POU6F2: variants seen among roughly 807,000 people sequenced by gnomAD.
POU6F2 encodes POU class 6 homeobox 2.
Under a neutral mutation model 71.3 loss-of-function variants are expected in POU6F2, and 31 were observed. That is an observed-to-expected ratio of 0.43 (90% CI 0.33 to 0.59). The LOEUF is 0.59. POU6F2 is among the 20% of genes least tolerant of loss of function. The pLI, the probability that POU6F2 is intolerant of heterozygous loss-of-function variation, is 0.04. For missense variants in POU6F2, 783 were observed against 856.8 expected (o/e 0.91, Z 1.07); for synonymous variants, 347 against 355.7 (o/e 0.98, Z 0.27).
At chr7:39,387,821 A>C (rs541411969) in intron 5 of POU6F2, among the ~76,000 whole-genome samples, 2 of 152,230 alleles carry the variant, frequency 1.3e-5, no homozygotes, top group Non-Finnish European at 2.9e-5. Flanking sequence ...GTAAAGTCAC[A>C]GAATGAATCT....
Position 39,082,170 on chromosome 7 carries a change from G to A in POU6F2, c.106-3690G>A, listed in dbSNP as rs567925031. 4.6e-5 allele frequency among the ~76,000 whole-genome samples: 7 copies of A among 152,270 alleles called. No individual in the cohort carries two copies. The South Asian group carries it at 1.5e-3, about 32-fold the overall frequency. ...TTGCAATCCTCTCTTTGTAGGACAC[G>A]GTGAAAATTTTTGTTGTGATTTTGC... On this transcript the variant is annotated intron_variant, in intron 1 of 9. Coordinates refer to ENST00000518318, the MANE Select transcript of POU6F2 (RefSeq NM_001370959.1).
intron 1 of POU6F2, among the ~76,000 whole-genome samples, chr7:39,012,036 T>C (rs373804562): frequency 6.6e-6 from 1 of 152,008 alleles, no homozygotes; most frequent in Non-Finnish European, 1.5e-5. Flanking sequence ...ATCTTTGTGG[T>C]GTTCTCTGTA....
chr7:39,159,363 G>A (rs1338455278), intron 2 of POU6F2, among the ~76,000 whole-genome samples: 1 of 151,950 alleles, frequency 6.6e-6, no homozygotes, highest in African/African-American at 2.4e-5. Context: ...ATTCTTCAAC[G>A]CTCATCCAAG....
At chr7:39,024,026 T>G (rs1269710682) in intron 1 of POU6F2, among the ~76,000 whole-genome samples, 3 of 152,220 alleles carry the variant, frequency 2.0e-5, no homozygotes, top group African/African-American at 7.2e-5. Context: ...AAGTCATTTT[T>G]TCCAATTCTG....
At chr7:39,224,087 C>T (rs1049758757) in intron 4 of POU6F2, among the ~76,000 whole-genome samples, 5 of 152,146 alleles carry the variant, frequency 3.3e-5, no homozygotes, top group African/African-American at 7.2e-5. Context: ...CTGCCCCATA[C>T]TCTAGCCACA....
chr7:39,377,204 C>A (rs951239239), intron 5 of POU6F2, among the ~76,000 whole-genome samples: 1 of 148,832 alleles, frequency 6.7e-6, no homozygotes, highest in Admixed American at 6.7e-5. Context: ...GATCTCGGCT[C>A]ACTGCAGCCT....
At chr7:39,216,092 C>G (rs1188043279) in intron 4 of POU6F2, among the ~76,000 whole-genome samples, 1 of 152,164 alleles carries the variant, frequency 6.6e-6, no homozygotes, top group East Asian at 1.9e-4. Context: ...GTTGGCCAGA[C>G]AAGTCACCTG....
chr7:38,977,948 T>G lies in POU6F2; in HGVS notation c.-6T>G, dbSNP rs1198557176. 2 of 152,274 alleles carry G rather than the reference T, an allele frequency of 1.3e-5. No homozygotes were observed. The highest frequency in any genetic ancestry group is 6.5e-5 in the Admixed American group (1 of 15,284). 9.4% of individuals were successfully genotyped at this position (152,274 alleles called of 1,614,324 possible). ...GATGGTTGTGAGTGCAGAAGTTGATTGACAGATGCATGCCAGAAACCCCCA... is the reference window on the plus strand; with the variant it reads ...GATGGTTGTGAGTGCAGAAGTTGATGGACAGATGCATGCCAGAAACCCCCA... On this transcript the variant is annotated 5_prime_UTR_variant, in exon 1 of 10. The change creates a new upstream start codon in the 5' untranslated region. Coordinates refer to ENST00000518318, the MANE Select transcript of POU6F2 (RefSeq NM_001370959.1).
At chr7:39,227,475 G>C (rs1179394719) in intron 4 of POU6F2, among the ~76,000 whole-genome samples, 1 of 149,780 alleles carries the variant, frequency 6.7e-6, no homozygotes, top group East Asian at 2.0e-4. Context: ...CCTGGGCTTT[G>C]TAAAAAAGAG....
chr7:39,245,469 A>G (rs1012829658), intron 4 of POU6F2, among the ~76,000 whole-genome samples: 2 of 152,200 alleles, frequency 1.3e-5, no homozygotes, highest in Non-Finnish European at 2.9e-5. Flanking sequence ...GGTTGTCTTG[A>G]TAGCAATATC....
intron 1 of POU6F2, among the ~76,000 whole-genome samples, chr7:39,060,036 C>T (rs1349607749): frequency 1.3e-5 from 2 of 152,012 alleles, no homozygotes; most frequent in Non-Finnish European, 2.9e-5. Context: ...GGTGAAACCC[C>T]GTCTCTACTA....
intron 1 of POU6F2, among the ~76,000 whole-genome samples, chr7:39,016,746 C>T (rs940330026): frequency 1.3e-5 from 2 of 152,122 alleles, no homozygotes; most frequent in Admixed American, 6.6e-5. Flanking sequence ...GAAGGAGGAG[C>T]TGGAGTTGTG....
chr7:39,015,439 TA>T (rs1233116973), intron 1 of POU6F2, among the ~76,000 whole-genome samples: 1 of 127,242 alleles, frequency 7.9e-6, no homozygotes, highest in African/African-American at 3.0e-5. Context: ...ATATAATATA[TA>T]ATCTAATATA....
intron 2 of POU6F2, among the ~76,000 whole-genome samples, chr7:39,115,333 A>G (rs950721052): frequency 2.0e-5 from 3 of 152,114 alleles, no homozygotes; most frequent in Non-Finnish European, 2.9e-5. Context: ...TAAAACCTTC[A>G]AAACTTATTT....
At chr7:39,086,576 TA>T (rs1405521741) in intron 2 of POU6F2, among the ~76,000 whole-genome samples, 1 of 152,186 alleles carries the variant, frequency 6.6e-6, no homozygotes, top group African/African-American at 2.4e-5. Context: ...CTTCTTTTTT[TA>T]AAAAGGTGAT....
chr7:39,370,507 G>A (rs12113628), intron 5 of POU6F2, among the ~76,000 whole-genome samples: 25,605 of 150,082 alleles, frequency 0.17, 2,422 homozygotes, highest in Admixed American at 0.24. Flanking sequence ...ACATTGGTGC[G>A]TGTGCTCCTG....
At chr7:39,274,346 C>T (rs1367489793) in intron 4 of POU6F2, among the ~76,000 whole-genome samples, 1 of 151,708 alleles carries the variant, frequency 6.6e-6, no homozygotes, top group Admixed American at 6.6e-5. Flanking sequence ...CAAGACTAAA[C>T]CAGGAAGAAG....
chr7:39,445,740 T>C (rs1282491457), intron 7 of POU6F2, among the ~76,000 whole-genome samples: 1 of 152,240 alleles, frequency 6.6e-6, no homozygotes, highest in Non-Finnish European at 1.5e-5. Flanking sequence ...ATTTGTGCTC[T>C]TGTCCTGTCC....
At chr7:39,060,564 G>A (rs562139434) in intron 1 of POU6F2, among the ~76,000 whole-genome samples, 2 of 152,300 alleles carry the variant, frequency 1.3e-5, no homozygotes, top group South Asian at 4.1e-4. Flanking sequence ...GTCCACCTAT[G>A]TATTGTCCGA....
Sources: allele counts gnomAD v4.1 joint callset (sites outside exome capture counted in the v4.1 genomes callset), GRCh38; gene constraint gnomAD v4.1.1; transcripts MANE v1.5; gene names NCBI Gene and HGNC (gene_info 2026-07-23, HGNC 2026-07-21).